The following ITGB3BP variants were observed in gnomAD, a reference collection of about 807,000 sequenced individuals.
ITGB3BP encodes centromere protein R.
ITGB3BP carries 27 observed loss-of-function variants against 29.1 expected under a neutral mutation model. That is an observed-to-expected ratio of 0.93 (90% CI 0.68 to 1.28). The LOEUF (loss-of-function observed/expected upper bound fraction) is 1.28. Ranked by LOEUF, ITGB3BP falls within the 50% of genes most tolerant of loss-of-function variation. The probability of loss-of-function intolerance (pLI) is 0.00; values close to 1 mark genes in which losing one functional copy is unlikely to be tolerated. For synonymous variants in ITGB3BP, 61 were observed against 61.4 expected, an observed-to-expected ratio of 0.99 and a Z score of 0.03; for missense variants, 192 against 200.2, an observed-to-expected ratio of 0.96 and a Z score of 0.25.
chr1:63,502,654 T>C (rs1242483041), intron 2 of ITGB3BP, among the ~76,000 whole-genome samples: 3 of 136,038 alleles, frequency 2.2e-5, no homozygotes, highest in Non-Finnish European at 3.2e-5. Flanking sequence ...CCTAATGCTA[T>C]CCCTCTCCCC....
chr1:63,482,409 A>C (rs1645454238), intron 3 of ITGB3BP, among the ~76,000 whole-genome samples: 1 of 151,824 alleles, frequency 6.6e-6, no homozygotes, highest in African/African-American at 2.4e-5. Flanking sequence ...AAAAGTTAAG[A>C]GTTGGAAAAA....
At chr1:63,462,143 T>C (rs1645027757) in intron 4 of ITGB3BP, among the ~76,000 whole-genome samples, 1 of 152,244 alleles carries the variant, frequency 6.6e-6, no homozygotes, top group East Asian at 1.9e-4. Flanking sequence ...TTAGATCTTC[T>C]TTAATTTCTT....
intron 4 of ITGB3BP, among the ~76,000 whole-genome samples, chr1:63,464,499 G>A (rs975176614): frequency 4.6e-5 from 7 of 152,098 alleles, no homozygotes; most frequent in Non-Finnish European, 1.0e-4. Context: ...ATGAACAGAT[G>A]AATTTTTAAA....
chr1:63,492,189 C>G (rs1055879868), intron 2 of ITGB3BP, among the ~76,000 whole-genome samples: 61 of 149,084 alleles, frequency 4.1e-4, no homozygotes, highest in Non-Finnish European at 5.9e-4. Context: ...TGCATGTGCT[C>G]TGTGTGTGTG....
At chr1:63,521,774 T>C (rs1239286672) in intron 1 of ITGB3BP, among the ~76,000 whole-genome samples, 1 of 152,118 alleles carries the variant, frequency 6.6e-6, no homozygotes, top group Non-Finnish European at 1.5e-5. Flanking sequence ...AGAGCCAGAC[T>C]CTGCCTCAAA....
rs1161307461 is a variant in ITGB3BP, at chr1:63,470,276, G to T, written c.254+8488C>A. Among the ~76,000 whole-genome samples the T allele has an allele frequency of 2.0e-5, 3 of 152,044 alleles. No homozygotes were observed. In the East Asian group the frequency reaches 5.8e-4, roughly 29 times the overall value. On this transcript the variant is annotated intron_variant, in intron 4 of 8. Transcript: ENST00000271002. The stretch of plus-strand genomic sequence containing the variant: ...AATTCCTCTAGCGCCACTGGGTTAG[G>T]GTCTCCCCGACCGAGCTGGTCTCGG...
At chr1:63,499,000 A>G (rs1219301354) in intron 2 of ITGB3BP, among the ~76,000 whole-genome samples, 1 of 152,184 alleles carries the variant, frequency 6.6e-6, no homozygotes, top group Non-Finnish European at 1.5e-5. Context: ...AAATAGGCAA[A>G]TTTCCAGAAA....
rs1378420310 is a variant in ITGB3BP at position 63,470,542 on chromosome 1, A to G, written c.254+8222T>C. On this transcript the variant is annotated intron_variant, in intron 4 of 8. Coordinates refer to ENST00000271002, the MANE Select transcript of ITGB3BP (RefSeq NM_014288.5). Reference sequence around the variant, plus strand: ...ATACACTATGAAACCTTTTGTGTCTAGTTTTTTCCACATCCAACATTATGT... The same window carrying G: ...ATACACTATGAAACCTTTTGTGTCTGGTTTTTTCCACATCCAACATTATGT... 3.9e-5 allele frequency among the ~76,000 whole-genome samples: 6 copies of G among 152,182 alleles called. No individual in the cohort carries two copies. In the East Asian group the frequency reaches 1.2e-3, roughly 29 times the overall value.
chr1:63,499,893 T>C (rs976400139), intron 2 of ITGB3BP, among the ~76,000 whole-genome samples: 1 of 152,196 alleles, frequency 6.6e-6, no homozygotes, highest in Non-Finnish European at 1.5e-5. Flanking sequence ...TACTTAATGA[T>C]GAAAGACTGG....
At chr1:63,442,695 T>G (rs1476237889) in intron 8 of ITGB3BP, 6 of 152,244 alleles carry the variant, frequency 3.9e-5, no homozygotes, top group Non-Finnish European at 7.3e-5. Context: ...AAGTTGATAC[T>G]TTGATCCTCA....
At chr1:63,522,376 C>A (rs1511055) in intron 1 of ITGB3BP, among the ~76,000 whole-genome samples, 1 of 152,094 alleles carries the variant, frequency 6.6e-6, no homozygotes, top group South Asian at 2.1e-4. Flanking sequence ...GAGGGGGTAC[C>A]TAAATCAACC....
At chr1:63,446,110 G>A (rs889531413) in intron 8 of ITGB3BP, among the ~76,000 whole-genome samples, 2 of 151,714 alleles carry the variant, frequency 1.3e-5, no homozygotes, top group African/African-American at 4.8e-5. Flanking sequence ...TGTTGGCCAG[G>A]CTGGTCTCGA....
At chr1:63,510,316 G>A in intron 1 of ITGB3BP, 2 of 380,886 alleles carry the variant, frequency 5.3e-6, no homozygotes. Context: ...ATTCCATCCT[G>A]ATATTAACTG....
chr1:63,445,383 A>G (rs17125000), intron 8 of ITGB3BP, among the ~76,000 whole-genome samples: 40,452 of 151,976 alleles, frequency 0.27, 7,447 homozygotes, highest in African/African-American at 0.53. Flanking sequence ...TATTGTTACT[A>G]CATACAACAG....
At chr1:63,516,028 A>G (rs1386880709) in intron 1 of ITGB3BP, among the ~76,000 whole-genome samples, 1 of 151,766 alleles carries the variant, frequency 6.6e-6, no homozygotes, top group African/African-American at 2.4e-5. Context: ...GTATATATAC[A>G]CCATGGAACA....
At chr1:63,497,206 G>C (rs181153306) in intron 2 of ITGB3BP, among the ~76,000 whole-genome samples, 1 of 152,266 alleles carries the variant, frequency 6.6e-6, no homozygotes, top group African/African-American at 2.4e-5. Context: ...TCGGGAGGTT[G>C]AGTTGGGAGG....
upstream of ITGB3BP, chr1:63,525,474 A>C: frequency 9.8e-7 from 1 of 1,017,468 alleles, no homozygotes; most frequent in South Asian, 2.5e-5. Context: ...TTCTATGTAT[A>C]AAATCTTGAT....
At chr1:63,446,756 C>G in intron 8 of ITGB3BP, 50 bp downstream of exon 8, 1 of 1,275,824 alleles carries the variant, frequency 7.8e-7, no homozygotes, top group East Asian at 2.3e-5. Flanking sequence ...CTGAACAAAA[C>G]ACAGTGAAAT....
rs1026101930 is a variant in ITGB3BP, at chr1:63,446,847, T to G, written c.494A>C (p.His165Pro). The G allele has an allele frequency of 7.5e-6, 12 of 1,610,430 alleles. No individual in the cohort carries two copies. Among genetic ancestry groups the G allele is most frequent in the Non-Finnish European group, 1.0e-5 (12 of 1,177,430 alleles). ...STGLPHKASR[H>P]LDSYEFLKAI... is the part of the protein sequence containing the mutation. ...TTTAAGGAATTCATAGCTGTCAAGA[T>G]GACGTGATGCTATATGAAAGAAGAA... The change falls in exon 8 of 9, where the codon CAT (histidine) becomes CCT (proline). Residue 165 changes from histidine (H) to proline (P), a missense_variant. Coordinates refer to ENST00000271002, the MANE Select transcript of ITGB3BP (RefSeq NM_014288.5).
Sources: gnomAD v4.1 joint callset for allele counts (sites outside exome capture counted in the v4.1 genomes callset) on GRCh38, gnomAD v4.1.1 for gene constraint, MANE v1.5 for transcripts, NCBI Gene and HGNC (gene_info 2026-07-23, HGNC 2026-07-21) for gene names.